RRAGD: variants seen among roughly 807,000 people sequenced by gnomAD.
RRAGD encodes Ras related GTP binding D, also known as ras-related GTP-binding protein D.
Under a neutral mutation model 35.5 loss-of-function variants are expected in RRAGD, and 12 were observed. That is an observed-to-expected ratio of 0.34 (90% CI 0.22 to 0.55). RRAGD has a LOEUF of 0.55. Among genes scored for constraint, RRAGD ranks in the 20% least tolerant of loss-of-function variants. The pLI is 0.91. For missense variants in RRAGD, 324 were observed against 490.1 expected (o/e 0.66, Z 3.20); for synonymous variants, 155 against 178.9 (o/e 0.87, Z 1.07).
At chr6:89,396,790 A>G (rs1200081936) in intron 1 of RRAGD, among the ~76,000 whole-genome samples, 1 of 115,894 alleles carries the variant, frequency 8.6e-6, no homozygotes, top group East Asian at 2.7e-4. Flanking sequence ...CACAGGCTGG[A>G]GTGTTCAGTG....
At chr6:89,404,430 A>T (rs898348230) in intron 1 of RRAGD, among the ~76,000 whole-genome samples, 4 of 152,176 alleles carry the variant, frequency 2.6e-5, no homozygotes, top group Non-Finnish European at 4.4e-5. Context: ...GGGTATCAAG[A>T]GGATCAGCTT....
chr6:89,388,055 C>T (rs1769165926), intron 1 of RRAGD, among the ~76,000 whole-genome samples: 1 of 152,124 alleles, frequency 6.6e-6, no homozygotes, highest in Non-Finnish European at 1.5e-5. Context: ...AGTCACCCTC[C>T]TCTGGCTAGT....
intron 6 of RRAGD, among the ~76,000 whole-genome samples, chr6:89,371,913 C>A (rs896626099): frequency 1.3e-5 from 2 of 152,142 alleles, no homozygotes; most frequent in Non-Finnish European, 2.9e-5. Flanking sequence ...CTTCCCTTTC[C>A]GGAATCATGA....
intron 1 of RRAGD, among the ~76,000 whole-genome samples, chr6:89,404,017 AT>A (rs1286462791): frequency 2.0e-5 from 3 of 152,084 alleles, no homozygotes; most frequent in Non-Finnish European, 4.4e-5. Context: ...GCCTTTTGCC[AT>A]TTTTCCCATA....
At chr6:89,409,689 T>C (rs553578037) in intron 1 of RRAGD, among the ~76,000 whole-genome samples, 86 of 152,292 alleles carry the variant, frequency 5.6e-4, no homozygotes, top group Non-Finnish European at 9.4e-4. Flanking sequence ...CTCGCTGGAA[T>C]TGCTGACTGA....
chr6:89,401,213 T>G (rs941895296), intron 1 of RRAGD, among the ~76,000 whole-genome samples: 1 of 151,812 alleles, frequency 6.6e-6, no homozygotes, highest in Non-Finnish European at 1.5e-5. Flanking sequence ...GGAATGCAGT[T>G]TGAAGGCAAG....
At chr6:89,379,082 A>T (rs1768998507) in intron 4 of RRAGD, 142 bp downstream of exon 4, 1 of 522,634 alleles carries the variant, frequency 1.9e-6, no homozygotes, top group South Asian at 2.5e-5. Context: ...GATCTAAAAG[A>T]ACACGTAGGA....
In RRAGD at chr6:89,411,732, C is replaced by T. The variant is rs570301506; in HGVS notation, c.148+114G>A. The T allele has an allele frequency of 3.7e-5, 44 of 1,200,868 alleles. No homozygotes were observed. The Admixed American group carries it at 5.9e-4, about 16-fold the overall frequency. The allele number at this position is 1,200,868 out of a possible 1,614,324, so 74.4% of individuals were successfully genotyped here. A position where few individuals can be genotyped will look rare whatever the true frequency, so the allele number is the denominator to read the frequency against. ...CCCACCCCAAACCCTCAACTGGACC[C>T]GCTCCCCTGGACCCCCTCCAAGTCG... On this transcript the variant is annotated intron_variant, in intron 1 of 6. Coordinates refer to ENST00000369415, the MANE Select transcript of RRAGD (RefSeq NM_021244.5). The surrounding 1 kb of genome is among the most constrained non-coding windows in gnomAD (Gnocchi z 5.6).
At chr6:89,389,573 AAAAG>A (rs1562456381) in intron 1 of RRAGD, among the ~76,000 whole-genome samples, 3 of 151,764 alleles carry the variant, frequency 2.0e-5, no homozygotes, top group African/African-American at 7.3e-5. Context: ...AAAAAAAAAA[AAAAG>A]AAGTTGGTGT....
intron 6 of RRAGD, among the ~76,000 whole-genome samples, chr6:89,370,191 C>T (rs900330816): frequency 1.3e-5 from 2 of 152,144 alleles, no homozygotes; most frequent in African/African-American, 4.8e-5. Flanking sequence ...AGGTGTATTC[C>T]TGTCTATCTT....
At chr6:89,407,599 G>A (rs1236299868) in intron 1 of RRAGD, among the ~76,000 whole-genome samples, 1 of 152,172 alleles carries the variant, frequency 6.6e-6, no homozygotes, top group Non-Finnish European at 1.5e-5. Flanking sequence ...CCGAGATCAT[G>A]CCACTGCACT....
intron 6 of RRAGD, among the ~76,000 whole-genome samples, chr6:89,370,983 G>C (rs1166726439): frequency 1.3e-5 from 2 of 151,710 alleles, no homozygotes; most frequent in Non-Finnish European, 2.9e-5. Flanking sequence ...TGTAAATTAA[G>C]TTTTCATGGC....
At chr6:89,385,118 A>T (rs1169645506) in intron 2 of RRAGD, among the ~76,000 whole-genome samples, 1 of 152,106 alleles carries the variant, frequency 6.6e-6, no homozygotes, top group Non-Finnish European at 1.5e-5. Flanking sequence ...ACATTTACCA[A>T]CCTAAATTGA....
intron 1 of RRAGD, among the ~76,000 whole-genome samples, chr6:89,393,765 C>T (rs1769281309): frequency 6.6e-6 from 1 of 152,192 alleles, no homozygotes; most frequent in Admixed American, 6.5e-5. Context: ...GAGTTAATAA[C>T]AGAATCACAG....
rs552979411 is a variant in RRAGD at position 89,403,423 on chromosome 6, C to T, written c.148+8423G>A. Among the ~76,000 whole-genome samples, 365 of 151,072 alleles carry T rather than the reference C, an allele frequency of 2.4e-3. 5 individuals carry two copies. The highest frequency in any genetic ancestry group is 0.02 in the Middle Eastern group (6 of 294). The stretch of plus-strand genomic sequence containing the variant: ...TCGCGCCACTGCACCCCAGCCTGGG[C>T]GACAGAGCAAGACTCTGTCAAAAAA... On this transcript the variant is annotated intron_variant, in intron 1 of 6. Transcript: ENST00000369415.
At position 89,411,874 on chromosome 6, in the gene RRAGD, G is replaced by C. The variant is rs966145764; in HGVS notation, c.120C>G (p.Ala40=). The change falls in exon 1 of 7, where the codon GCC becomes GCG. Residue 40 remains alanine (A), a synonymous_variant. Transcript: ENST00000369415. The surrounding 1 kb of genome is among the most constrained non-coding windows in gnomAD (Gnocchi z 5.6). ...DYGDGPDSSD[A]DPDSGTEEGV... is the part of the protein sequence containing the mutation. Reference sequence around the variant, plus strand: ...CCTCCTCTGTGCCGCTGTCCGGATCGGCGTCGGAGGAGTCGGGCCCGTCTC... The same window carrying C: ...CCTCCTCTGTGCCGCTGTCCGGATCCGCGTCGGAGGAGTCGGGCCCGTCTC... 6.5e-6 allele frequency: 10 copies of C among 1,549,162 alleles called. No homozygotes were observed. The African/African-American group carries it at 1.1e-4, about 17-fold the overall frequency.
chr6:89,397,277 G>T (rs763735193), intron 1 of RRAGD, among the ~76,000 whole-genome samples: 1 of 152,148 alleles, frequency 6.6e-6, no homozygotes, highest in Non-Finnish European at 1.5e-5. Context: ...CTCATACACT[G>T]CTGGTAGAAA....
At chr6:89,400,390 G>A (rs1328487768) in intron 1 of RRAGD, among the ~76,000 whole-genome samples, 1 of 151,954 alleles carries the variant, frequency 6.6e-6, no homozygotes, top group Non-Finnish European at 1.5e-5. Context: ...TTTTTACTGT[G>A]GGCCAGGGTA....
In RRAGD at chr6:89,367,959, T is replaced by C. The variant is rs1451901816; in HGVS notation, c.*97A>G. ...TTTTTTTAACAACAAATCAATGGTA[T>C]GTGTCCCAATCTCCTTCTTCCTCTT... On this transcript the variant is annotated 3_prime_UTR_variant, in exon 7 of 7. Transcript: ENST00000369415. The C allele has an allele frequency of 1.9e-6, 2 of 1,058,476 alleles. No individual in the cohort carries two copies. The highest frequency in any genetic ancestry group is 1.6e-5 in the African/African-American group (1 of 62,548). The allele number at this position is 1,058,476 out of a possible 1,614,324, so 65.6% of individuals were successfully genotyped here.
Sources: gnomAD v4.1 joint callset for allele counts (sites outside exome capture counted in the v4.1 genomes callset) on GRCh38, gnomAD v4.1.1 for gene constraint, Gnocchi (gnomAD v3.1) non-coding constraint, MANE v1.5 for transcripts, NCBI Gene and HGNC (gene_info 2026-07-23, HGNC 2026-07-21) for gene names.